C1orf159: variants seen among roughly 807,000 people sequenced by gnomAD.
C1orf159 encodes the protein chromosome 1 open reading frame 159, also known as uncharacterized protein C1orf159.
Under a neutral mutation model 25.6 loss-of-function variants are expected in C1orf159, and 19 were observed. The ratio of observed to expected loss-of-function variants is 0.74; its 90% CI spans 0.52 to 1.09. C1orf159 has a LOEUF of 1.09. C1orf159 is among the 50% of genes least tolerant of loss of function. C1orf159 has a pLI of 0.00. For synonymous variants in C1orf159, 139 were observed against 124.7 expected (o/e 1.12, Z -0.77); for missense variants, 274 against 290.6 (o/e 0.94, Z 0.42).
At chr1:1,084,880 G>T (rs1322848936) in intron 7 of C1orf159, among the ~76,000 whole-genome samples, 1 of 152,162 alleles carries the variant, frequency 6.6e-6, no homozygotes, top group Admixed American at 6.5e-5. Flanking sequence ...CCTCCCGGGA[G>T]GAGCCTCAGG....
At chr1:1,083,784 T>C in intron 9 of C1orf159, 1 of 822,818 alleles carries the variant, frequency 1.2e-6, no homozygotes, top group Admixed American at 2.6e-5. Context: ...CACGGTCACC[T>C]GCCCCCATGA....
chr1:1,093,261 G>A (rs1345828657), intron 1 of C1orf159, among the ~76,000 whole-genome samples: 2 of 152,132 alleles, frequency 1.3e-5, no homozygotes, highest in African/African-American at 4.8e-5. Flanking sequence ...CTCCCTCTCT[G>A]GTTAAAGGGC....
At chr1:1,088,918 C>T (rs1476134406) in intron 4 of C1orf159, among the ~76,000 whole-genome samples, 1 of 152,340 alleles carries the variant, frequency 6.6e-6, no homozygotes, top group East Asian at 1.9e-4. Flanking sequence ...GAGCTGCGCT[C>T]TCCCAGCACT....
chr1:1,101,277 G>GT (rs1646096047), intron 1 of C1orf159, among the ~76,000 whole-genome samples: 1 of 152,080 alleles, frequency 6.6e-6, no homozygotes, highest in African/African-American at 2.4e-5. Context: ...GAGGCCAGGA[G>GT]TTTGATGCCA....
chr1:1,098,431 T>C (rs1386328046), intron 1 of C1orf159, among the ~76,000 whole-genome samples: 1 of 152,240 alleles, frequency 6.6e-6, no homozygotes, highest in Non-Finnish European at 1.5e-5. Flanking sequence ...GTTTATTCAA[T>C]AGTGGGTTAA....
intron 1 of C1orf159, among the ~76,000 whole-genome samples, chr1:1,093,824 C>T (rs1645974017): frequency 6.6e-6 from 1 of 152,196 alleles, no homozygotes; most frequent in Admixed American, 6.5e-5. Context: ...GGCTGGCTCA[C>T]AGGGAGGTGC....
chr1:1,087,155 G>A lies in C1orf159; in HGVS notation c.294C>T (p.Pro98=), dbSNP rs139944177. The change falls in exon 6 of 10, where the codon CCC becomes CCT. Residue 98 remains proline (P), a synonymous_variant. Coordinates refer to ENST00000421241, the MANE Select transcript of C1orf159 (RefSeq NM_017891.5). This position sits in a 1 kb window ranked among gnomAD's most constrained non-coding sequence, Gnocchi z 8.3. The part of the protein sequence containing the change: ...PFPMNRSSGT[P]GRPHPGAPRV... ...GAGACTTACCAGGATGTGGCCGCCC[G>A]GGGGTCCCTGAGCTTCTGTTCATGG... is the stretch of plus-strand genomic sequence containing the variant. 2.4e-5 allele frequency: 38 copies of A among 1,609,592 alleles called. No homozygotes were observed. In the South Asian group the frequency reaches 2.4e-4, roughly 10 times the overall value.
intron 1 of C1orf159, among the ~76,000 whole-genome samples, chr1:1,102,286 T>C (rs1055584725): frequency 6.6e-6 from 1 of 151,904 alleles, no homozygotes; most frequent in Non-Finnish European, 1.5e-5. Flanking sequence ...GACATGTTGA[T>C]ATCACCTAAG....
chr1:1,083,301 G>T (rs1261903332), intron 9 of C1orf159: 8 of 338,320 alleles, frequency 2.4e-5, no homozygotes, highest in Admixed American at 1.3e-4. Flanking sequence ...CACCTCAGGG[G>T]GCGACAAGCA....
intron 1 of C1orf159, among the ~76,000 whole-genome samples, chr1:1,102,071 CAAAA>C (rs1237729417): frequency 7.5e-5 from 3 of 39,966 alleles, no homozygotes; most frequent in Non-Finnish European, 9.7e-5. Flanking sequence ...AACTCTGTCT[CAAAA>C]AAAAAAAAAA....
chr1:1,082,053 G>C lies in C1orf159; in HGVS notation c.*840C>G, dbSNP rs1387220018. On this transcript the variant is annotated 3_prime_UTR_variant, in exon 10 of 10. Coordinates refer to ENST00000421241, the MANE Select transcript of C1orf159 (RefSeq NM_017891.5). ...GGCCTGGCGTGCGGGAGGCGGCCAC[G>C]ACGGCGCCTTTCTCCCAGGAACTCC... 1 of 152,294 alleles carries C rather than the reference G, an allele frequency of 6.6e-6. No homozygotes were observed. The highest frequency in any genetic ancestry group is 1.5e-5 in the Non-Finnish European group (1 of 68,090). The allele number at this position is 152,294 out of a possible 1,614,324, so 9.4% of individuals were successfully genotyped here. A position where few individuals can be genotyped will look rare whatever the true frequency, so the allele number is the denominator to read the frequency against.
intron 1 of C1orf159, among the ~76,000 whole-genome samples, chr1:1,098,700 CTTT>C (rs1646045172): frequency 5.3e-5 from 8 of 152,170 alleles, no homozygotes; most frequent in Admixed American, 5.2e-4. Context: ...GTCACTCCGT[CTTT>C]TGGGTTCACA....
At chr1:1,107,946 T>C (rs963525104) in intron 1 of C1orf159, among the ~76,000 whole-genome samples, 3 of 152,144 alleles carry the variant, frequency 2.0e-5, no homozygotes, top group Non-Finnish European at 2.9e-5. Context: ...AGGAACAAAC[T>C]CCGGACACAC....
At chr1:1,090,958 A>G (rs1318833243) in intron 3 of C1orf159, 6 of 1,550,186 alleles carry the variant, frequency 3.9e-6, no homozygotes, top group Non-Finnish European at 5.2e-6. Context: ...TTGTGTGTTG[A>G]TCACAGCTGT....
In C1orf159 at chr1:1,086,998, G is replaced by C. The variant is rs531783616; in HGVS notation, c.310+141C>G. The C allele has an allele frequency of 1.8e-5, 15 of 813,048 alleles. No individual in the cohort carries two copies. The East Asian group carries it at 3.8e-4, about 21-fold the overall frequency. 50.4% of individuals were successfully genotyped at this position (813,048 alleles called of 1,614,324 possible). A position where few individuals can be genotyped will look rare whatever the true frequency, so the allele number is the denominator to read the frequency against. ...CACACCAGCTGACCCCAAGCTGCAG[G>C]GGCTGCCACGCTCCCCTCTGGCTGT... On this transcript the variant is annotated intron_variant, in intron 6 of 9. Transcript: ENST00000421241.
In C1orf159 at chr1:1,089,228, C is replaced by T. The variant is rs1286644587; in HGVS notation, c.148+1125G>A. Reference sequence around the variant, plus strand: ...GGGCCACCTCGGCCCTTGGACTTCACGACCCGCTGGCCTGGCCCCTCCATG... The same window carrying T: ...GGGCCACCTCGGCCCTTGGACTTCATGACCCGCTGGCCTGGCCCCTCCATG... On this transcript the variant is annotated intron_variant, in intron 4 of 9. Transcript: ENST00000421241. This position sits in a 1 kb window ranked among gnomAD's most constrained non-coding sequence, Gnocchi z 7.5. 3.9e-5 allele frequency among the ~76,000 whole-genome samples: 6 copies of T among 152,164 alleles called. No individual in the cohort carries two copies. Among genetic ancestry groups the T allele is most frequent in the East Asian group, 1.9e-4 (1 of 5,190 alleles).
At chr1:1,084,268 C>G (rs1240427041) in intron 9 of C1orf159, 85 bp downstream of exon 9, 2 of 1,519,584 alleles carry the variant, frequency 1.3e-6, no homozygotes, top group East Asian at 4.5e-5. Context: ...GCCAGGCAAA[C>G]CCGTTTGGGG....
chr1:1,084,348 G>A lies in C1orf159; in HGVS notation c.502+5C>T, dbSNP rs774174626. The A allele has an allele frequency of 1.3e-6, 2 of 1,550,484 alleles. No individual in the cohort carries two copies. Among genetic ancestry groups the A allele is most frequent in the South Asian group, 1.2e-5 (1 of 82,688 alleles). ...CCCACAGGGGGATGCGACAGCTGCT[G>A]TTACCTGAGGACTGTGGCGGGGGGA... On this transcript the variant is annotated splice_donor_5th_base_variant and intron_variant, in intron 9 of 9. Transcript: ENST00000421241.
chr1:1,091,059 G>T, intron 3 of C1orf159: 1 of 1,235,616 alleles, frequency 8.1e-7, no homozygotes, highest in Non-Finnish European at 1.1e-6. Context: ...CCAGGGAGGG[G>T]CCCAGGTCCG....
Sources: allele counts gnomAD v4.1 joint callset (sites outside exome capture counted in the v4.1 genomes callset), GRCh38; gene constraint gnomAD v4.1.1; non-coding constraint Gnocchi (gnomAD v3.1); transcripts MANE v1.5; gene names NCBI Gene and HGNC (gene_info 2026-07-23, HGNC 2026-07-21).